The following KMT2C variants were observed in gnomAD, a reference collection of about 807,000 sequenced individuals.
KMT2C encodes lysine methyltransferase 2C, also known as histone-lysine N-methyltransferase 2C.
Under a neutral mutation model 507.9 loss-of-function variants are expected in KMT2C, and 88 were observed. That is an observed-to-expected ratio of 0.17 (90% CI 0.15 to 0.21). The LOEUF is 0.21. Ranked by LOEUF, KMT2C falls within the 10% of genes least tolerant of loss-of-function variation. The pLI, the probability that KMT2C is intolerant of heterozygous loss-of-function variation, is 1.00. For synonymous variants in KMT2C, 2,049 were observed against 2,080.8 expected (o/e 0.98, Z 0.42); for missense variants, 4,954 against 5,957.8 (o/e 0.83, Z 5.55).
chr7:152,193,917 G>C (rs2093885520), intron 31 of KMT2C, 92 bp downstream of exon 31: 1 of 1,215,330 alleles, frequency 8.2e-7, no homozygotes, highest in East Asian at 2.8e-5. Flanking sequence ...GGCTACTAAA[G>C]AATAGGGCAA....
rs1460874630 is a variant in KMT2C, at chr7:152,209,119, A to G, written c.3713-1691T>C. ...GGTTTCAGTGAGCCGAGATTGTGCC[A>G]TTGCACTCCAGCCTGAGCAGCAAGA... On this transcript the variant is annotated intron_variant, in intron 23 of 58. Coordinates refer to ENST00000262189, the MANE Select transcript of KMT2C (RefSeq NM_170606.3). Among the ~76,000 whole-genome samples, 18 of 148,468 alleles carry G rather than the reference A, an allele frequency of 1.2e-4. No homozygotes were observed. The Admixed American group carries it at 1.2e-3, about 10-fold the overall frequency.
Position 152,427,984 on chromosome 7 carries a change from T to G in KMT2C, c.161+7642A>C, listed in dbSNP as rs187537958. Among the ~76,000 whole-genome samples the G allele has an allele frequency of 6.5e-4, 99 of 152,296 alleles. 1 individual carries two copies. The highest frequency in any genetic ancestry group is 2.1e-3 in the African/African-American group (89 of 41,566). On this transcript the variant is annotated intron_variant, in intron 1 of 58. Transcript: ENST00000262189. ...CTACAACTATTGTAACAGCCTATTA[T>G]CTCTGCCTCCAGGTAACTCCTGTCT...
chr7:152,321,340 G>A (rs1297110968), intron 3 of KMT2C, among the ~76,000 whole-genome samples: 1 of 151,546 alleles, frequency 6.6e-6, no homozygotes, highest in Non-Finnish European at 1.5e-5. Flanking sequence ...AAATCATAAT[G>A]AAAATACTGA....
intron 43 of KMT2C, among the ~76,000 whole-genome samples, chr7:152,160,759 T>TC (rs566583271): frequency 1.3e-5 from 2 of 151,478 alleles, no homozygotes; most frequent in African/African-American, 4.8e-5. Context: ...ACGTGGTTGT[T>TC]CCCCATGCCA....
intron 16 of KMT2C, among the ~76,000 whole-genome samples, chr7:152,235,609 CAA>C (rs1411114253): frequency 6.4e-5 from 8 of 125,120 alleles, no homozygotes; most frequent in African/African-American, 2.4e-4. Flanking sequence ...GATAAGGAGT[CAA>C]AGAGGAAGGT....
chr7:152,166,871 G>T (rs982921923), intron 42 of KMT2C, among the ~76,000 whole-genome samples: 1 of 152,106 alleles, frequency 6.6e-6, no homozygotes, highest in East Asian at 1.9e-4. Flanking sequence ...TACCAAAGTT[G>T]AAAATAGTTC....
chr7:152,154,054 C>A lies in KMT2C; in HGVS notation c.12232G>T (p.Gly4078Cys), dbSNP rs768919002. 1 of 1,614,054 alleles carries A rather than the reference C, an allele frequency of 6.2e-7. No homozygotes were observed. Among genetic ancestry groups the A allele is most frequent in the East Asian group, 2.2e-5 (1 of 44,882 alleles). Residue 4078 changes from glycine to cysteine, a missense_variant, in exon 48 of 59, where the codon GGT becomes TGT. Physicochemically the swap from Gly to Cys is radical, Grantham distance 159. This residue lies in a region of KMT2C where 417 missense variants were observed against 461.1 expected (regional missense o/e 0.90). Coordinates refer to ENST00000262189, the MANE Select transcript of KMT2C (RefSeq NM_170606.3). ...FGPSPNGPRS[G>C]LISVAITLHP... ...AGAGTAATTGCTACAGATATAAGACCTGATCTGGGACCATTTGGGGAAGGA... is the reference window on the plus strand; with the variant it reads ...AGAGTAATTGCTACAGATATAAGACATGATCTGGGACCATTTGGGGAAGGA...
intron 6 of KMT2C, among the ~76,000 whole-genome samples, chr7:152,299,319 AAAATAAATAAAT>A (rs71294474): frequency 2.8e-4 from 41 of 146,764 alleles, no homozygotes; most frequent in South Asian, 1.1e-3. Context: ...TCTATCTCAA[AAAATAAATAAAT>A]AAATAAATAA....
At chr7:152,155,009 A>G (rs968851411) in intron 46 of KMT2C, 1 of 152,330 alleles carries the variant, frequency 6.6e-6, no homozygotes, top group African/African-American at 2.4e-5. Context: ...CTTAACTGAT[A>G]AAGTGAGGTG....
At chr7:152,142,798 T>C (rs1034505906) in intron 55 of KMT2C, among the ~76,000 whole-genome samples, 2 of 152,208 alleles carry the variant, frequency 1.3e-5, no homozygotes, top group African/African-American at 2.4e-5. Flanking sequence ...GACCTCTGAT[T>C]ATTACAGAGA....
intron 23 of KMT2C, among the ~76,000 whole-genome samples, chr7:152,211,529 A>C (rs1305425325): frequency 1.3e-5 from 2 of 152,222 alleles, no homozygotes; most frequent in African/African-American, 4.8e-5. Flanking sequence ...GATCTAGTAC[A>C]AAGGCCACCT....
chr7:152,259,481 CACACACACAG>C (rs1251603358), intron 9 of KMT2C, among the ~76,000 whole-genome samples: 118 of 145,110 alleles, frequency 8.1e-4, no homozygotes, highest in South Asian at 3.5e-3. Context: ...CACACACACA[CACACACACAG>C]AGAAAGCAAG....
intron 39 of KMT2C, 54 bp from the exon 40 acceptor site, chr7:152,171,396 TATTA>T: frequency 8.5e-7 from 1 of 1,178,974 alleles, no homozygotes; most frequent in Non-Finnish European, 1.2e-6. Flanking sequence ...AAATTATTAA[TATTA>T]ATTAAAAACT....
intron 2 of KMT2C, among the ~76,000 whole-genome samples, chr7:152,332,258 A>T (rs1449980011): frequency 1.3e-5 from 2 of 152,268 alleles, no homozygotes; most frequent in South Asian, 4.1e-4. Flanking sequence ...AATAAAAATT[A>T]TATGTCCACT....
intron 55 of KMT2C, among the ~76,000 whole-genome samples, chr7:152,142,927 G>A (rs937091481): frequency 6.6e-6 from 1 of 152,120 alleles, no homozygotes; most frequent in Non-Finnish European, 1.5e-5. Flanking sequence ...ATCATCCACG[G>A]GATCCCCAGG....
intron 56 of KMT2C, 152 bp downstream of exon 56, chr7:152,139,523 G>A: frequency 1.6e-6 from 1 of 641,190 alleles, no homozygotes; most frequent in Non-Finnish European, 2.8e-6. Flanking sequence ...AGATACAACT[G>A]ATAAAAATAC....
chr7:152,220,720 T>C lies in KMT2C; in HGVS notation c.3515A>G (p.Tyr1172Cys), dbSNP rs1230412185. 6.2e-7 allele frequency: 1 copy of C among 1,608,824 alleles called. No individual in the cohort carries two copies. The highest frequency in any genetic ancestry group is 8.5e-7 in the Non-Finnish European group (1 of 1,176,966). The stretch of plus-strand genomic sequence containing the variant: ...AGTCAAACACACACCATCCTGGGTA[T>C]AAGTCTTGGGTGGGTCTAAAATTAC... Reference protein sequence around the residue: ...KVKELDPPKTYTQDGVCLTES... With the variant: ...KVKELDPPKTCTQDGVCLTES... The change falls in exon 23 of 59, where the codon TAT becomes TGT. Residue 1172 changes from tyrosine (Y) to cysteine (C), a missense_variant. Tyr to Cys is a radical substitution (Grantham distance 194). Transcript: ENST00000262189.
At chr7:152,190,952 C>T (rs1190558264) in intron 31 of KMT2C, among the ~76,000 whole-genome samples, 2 of 152,184 alleles carry the variant, frequency 1.3e-5, no homozygotes, top group East Asian at 3.8e-4. Context: ...ATACCTCTCA[C>T]TCAATGTCTC....
At chr7:152,433,546 G>A (rs1300032394) in intron 1 of KMT2C, among the ~76,000 whole-genome samples, 2 of 152,274 alleles carry the variant, frequency 1.3e-5, no homozygotes, top group African/African-American at 2.4e-5. Flanking sequence ...GTTTAGACCC[G>A]TCAAATTTAC....
Sources: gnomAD v4.1 joint callset for allele counts (sites outside exome capture counted in the v4.1 genomes callset) on GRCh38, gnomAD v4.1.1 for gene constraint, gnomAD v4.1.1 regional missense constraint, MANE v1.5 for transcripts, NCBI Gene and HGNC (gene_info 2026-07-23, HGNC 2026-07-21) for gene names.